The following PRLR variants were observed in gnomAD, a reference collection of about 807,000 sequenced individuals.
PRLR encodes the protein prolactin receptor.
A neutral mutation model predicts 40.2 loss-of-function variants in PRLR; 13 were observed. The ratio of observed to expected loss-of-function variants is 0.32; its 90% CI spans 0.21 to 0.51. The LOEUF is 0.51. PRLR is among the 20% of genes least tolerant of loss of function. PRLR has a pLI of 0.97. For synonymous variants in PRLR, 269 were observed against 278.7 expected (o/e 0.97, Z 0.35); for missense variants, 656 against 747.3 (o/e 0.88, Z 1.42).
At chr5:35,093,455 T>C (rs1429074414) in intron 2 of PRLR, among the ~76,000 whole-genome samples, 3 of 152,200 alleles carry the variant, frequency 2.0e-5, no homozygotes, top group Non-Finnish European at 4.4e-5. Context: ...AAGACTGGTA[T>C]CTGGTGATCC....
Position 35,079,679 on chromosome 5 carries a change from T to C in PRLR, c.373+4791A>G, listed in dbSNP as rs1334589590. On this transcript the variant is annotated intron_variant, in intron 5 of 9. Transcript: ENST00000618457. ...GCTACCAATGACTTTCTTCACAGAA[T>C]TGGAAAAAACTAAAGTTCATGTGGG... Among the ~76,000 whole-genome samples the C allele has an allele frequency of 5.3e-5, 8 of 152,110 alleles. No homozygotes were observed. The East Asian group carries it at 1.2e-3, about 22-fold the overall frequency.
At chr5:35,226,480 T>C (rs1718059976) in intron 1 of PRLR, among the ~76,000 whole-genome samples, 1 of 152,218 alleles carries the variant, frequency 6.6e-6, no homozygotes, top group African/African-American at 2.4e-5. Context: ...AATAGTACAG[T>C]AGGCATTCAA....
intron 1 of PRLR, among the ~76,000 whole-genome samples, chr5:35,226,594 T>C (rs1040074286): frequency 6.6e-6 from 1 of 152,148 alleles, no homozygotes; most frequent in African/African-American, 2.4e-5. Flanking sequence ...CTCTTGAGAG[T>C]TCTGCTAAGG....
intron 2 of PRLR, among the ~76,000 whole-genome samples, chr5:35,114,934 C>A: frequency 6.6e-6 from 1 of 152,216 alleles, no homozygotes; most frequent in East Asian, 1.9e-4. Flanking sequence ...TCTTCTCTAT[C>A]CCTGCCCACA....
chr5:35,102,018 C>T (rs1771913995), intron 2 of PRLR, among the ~76,000 whole-genome samples: 1 of 151,800 alleles, frequency 6.6e-6, no homozygotes, highest in Admixed American at 6.6e-5. Flanking sequence ...TTAGTAGAGA[C>T]AGGGTTTCAC....
At chr5:35,189,094 T>C (rs945394651) in intron 1 of PRLR, among the ~76,000 whole-genome samples, 1 of 152,146 alleles carries the variant, frequency 6.6e-6, no homozygotes, top group Non-Finnish European at 1.5e-5. Context: ...GATACATGCA[T>C]GCAGGGGCAG....
At chr5:35,217,619 G>A (rs1776315751) in intron 1 of PRLR, among the ~76,000 whole-genome samples, 1 of 152,266 alleles carries the variant, frequency 6.6e-6, no homozygotes, top group South Asian at 2.1e-4. Context: ...AATATATATG[G>A]TATATTTTTG....
chr5:35,165,243 T>C (rs1055296501), intron 1 of PRLR, among the ~76,000 whole-genome samples: 7 of 152,056 alleles, frequency 4.6e-5, no homozygotes, highest in South Asian at 4.1e-4. Context: ...CATCCTACTA[T>C]AGGAACAAAA....
intron 2 of PRLR, among the ~76,000 whole-genome samples, chr5:35,090,092 A>G (rs1051321536): frequency 6.6e-6 from 1 of 152,152 alleles, no homozygotes; most frequent in Non-Finnish European, 1.5e-5. Context: ...AAAAGTCAGT[A>G]CCCTCAGTAC....
At chr5:35,115,691 A>G (rs1772973510) in intron 2 of PRLR, among the ~76,000 whole-genome samples, 1 of 151,816 alleles carries the variant, frequency 6.6e-6, no homozygotes, top group Admixed American at 6.6e-5. Flanking sequence ...TTGCAAAAGA[A>G]TCTGGTATGC....
intron 1 of PRLR, among the ~76,000 whole-genome samples, chr5:35,149,079 TA>T (rs1028920142): frequency 1.3e-5 from 2 of 152,202 alleles, no homozygotes; most frequent in African/African-American, 4.8e-5. Context: ...CCTTGGACTC[TA>T]AAGCACCAAA....
chr5:35,119,151 T>C (rs66891287), intron 1 of PRLR, among the ~76,000 whole-genome samples: 9,254 of 152,228 alleles, frequency 0.061, 386 homozygotes, highest in African/African-American at 0.11. Context: ...CATAATTTAA[T>C]GTCCAGTTTT....
intron 1 of PRLR, among the ~76,000 whole-genome samples, chr5:35,120,773 C>G (rs1773261417): frequency 6.6e-6 from 1 of 152,194 alleles, no homozygotes; most frequent in African/African-American, 2.4e-5. Context: ...TTCCCTGCTC[C>G]TCACTTTAGG....
rs1042612670 is a variant in PRLR at position 35,059,978 on chromosome 5, T to G, written c.*5111A>C. The G allele has an allele frequency of 2.6e-5, 4 of 152,174 alleles. No individual in the cohort carries two copies. The highest frequency in any genetic ancestry group is 9.7e-5 in the African/African-American group (4 of 41,406). 9.4% of individuals were successfully genotyped at this position (152,174 alleles called of 1,614,324 possible). On this transcript the variant is annotated 3_prime_UTR_variant, in exon 10 of 10. Transcript: ENST00000618457. ...CTTCCCAAGTGTCTAGGACTACAGG[T>G]ACGTGTCACCATGGCTGGCTAATTT... is the stretch of plus-strand genomic sequence containing the variant.
intron 5 of PRLR, among the ~76,000 whole-genome samples, chr5:35,077,069 C>T (rs570959445): frequency 1.1e-4 from 17 of 152,214 alleles, no homozygotes; most frequent in Middle Eastern, 3.4e-3. Flanking sequence ...AAGGAACAAC[C>T]GGTACCAGCC....
chr5:35,127,394 A>T (rs750859880), intron 1 of PRLR, among the ~76,000 whole-genome samples: 2 of 152,260 alleles, frequency 1.3e-5, no homozygotes, highest in African/African-American at 2.4e-5. Context: ...ATATCATGAC[A>T]TTATTGTGCT....
intron 1 of PRLR, among the ~76,000 whole-genome samples, chr5:35,138,636 T>G (rs1375562490): frequency 6.6e-6 from 1 of 152,182 alleles, no homozygotes; most frequent in African/African-American, 2.4e-5. Flanking sequence ...ATCTATATAC[T>G]TATTCTGTCT....
chr5:35,228,250 AAAAGC>A (rs59321982), intron 1 of PRLR, among the ~76,000 whole-genome samples: 37,513 of 140,444 alleles, frequency 0.27, 5,744 homozygotes, highest in South Asian at 0.39. Context: ...AAAAAAAAAA[AAAAGC>A]AGCATTATTT....
At chr5:35,165,495 G>T (rs1039428) in intron 1 of PRLR, among the ~76,000 whole-genome samples, 46,794 of 152,070 alleles carry the variant, frequency 0.31, 7,502 homozygotes, top group African/African-American at 0.39. Context: ...TTCTCAGGAA[G>T]TAGAACCACC....
Sources: gnomAD v4.1 joint callset for allele counts (sites outside exome capture counted in the v4.1 genomes callset) on GRCh38, gnomAD v4.1.1 for gene constraint, MANE v1.5 for transcripts, NCBI Gene and HGNC (gene_info 2026-07-23, HGNC 2026-07-21) for gene names.